The following RFX3 variants were observed in gnomAD, a reference collection of about 807,000 sequenced individuals.
The protein encoded by RFX3 is transcription factor RFX3.
A neutral mutation model predicts 98.6 loss-of-function variants in RFX3; 14 were observed. The observed-to-expected ratio is 0.14, with a 90% CI of 0.09 to 0.22. RFX3 has a LOEUF of 0.22. Among genes scored for constraint, RFX3 ranks in the 10% least tolerant of loss-of-function variants. The probability of loss-of-function intolerance (pLI) is 1.00; values close to 1 mark genes in which losing one functional copy is unlikely to be tolerated. For missense variants in RFX3, 639 were observed against 926.9 expected, an observed-to-expected ratio of 0.69 and a Z score of 4.03; for synonymous variants, 383 against 328.4, an observed-to-expected ratio of 1.17 and a Z score of -1.80.
At chr9:3,400,384 G>A (rs1841358223) in intron 1 of RFX3, 1 of 168,458 alleles carries the variant, frequency 5.9e-6, no homozygotes, top group Admixed American at 6.5e-5. Context: ...CAAGCCTCCA[G>A]CTGTACCTAT....
intron 14 of RFX3, among the ~76,000 whole-genome samples, chr9:3,255,882 T>C (rs1007116854): frequency 2.0e-5 from 3 of 152,220 alleles, no homozygotes; most frequent in African/African-American, 4.8e-5. Context: ...TATGTTACTG[T>C]CTACGAGATT....
chr9:3,472,130 T>C (rs1848833824), intron 1 of RFX3, among the ~76,000 whole-genome samples: 1 of 152,230 alleles, frequency 6.6e-6, no homozygotes, highest in South Asian at 2.1e-4. Context: ...CGCACTGTAT[T>C]TGTTTAGAAA....
chr9:3,373,655 C>A (rs1838102393), intron 2 of RFX3, among the ~76,000 whole-genome samples: 1 of 152,098 alleles, frequency 6.6e-6, no homozygotes, highest in Non-Finnish European at 1.5e-5. Flanking sequence ...TTTCCCAGTT[C>A]TGTGAAGTTC....
rs1415503707 is a variant in RFX3, at chr9:3,395,511, C to T, written c.78G>A (p.Val26=). 6 of 1,614,016 alleles carry T rather than the reference C, an allele frequency of 3.7e-6. No homozygotes were observed. Among genetic ancestry groups the T allele is most frequent in the Non-Finnish European group, 5.1e-6 (6 of 1,179,990 alleles). ...GTACTTGCTGTACCACCTGCGTAGG[C>T]ACTGCTGCTTGACTAGCCACAGATG... The part of the protein sequence containing the change: ...LQTSVASQAA[V]PTQVVQQVPV... Residue 26 remains valine, a synonymous_variant, in exon 2 of 17, where the codon GTG becomes GTA. Coordinates refer to ENST00000617270, the MANE Select transcript of RFX3 (RefSeq NM_001282116.2).
chr9:3,524,252 C>G (rs1025601416), intron 1 of RFX3, among the ~76,000 whole-genome samples: 1 of 152,064 alleles, frequency 6.6e-6, no homozygotes, highest in Non-Finnish European at 1.5e-5. Context: ...TTTAGGGGAT[C>G]TGTAAAACTG....
At chr9:3,228,172 C>T (rs963144881) in intron 16 of RFX3, among the ~76,000 whole-genome samples, 1 of 152,134 alleles carries the variant, frequency 6.6e-6, no homozygotes, top group African/African-American at 2.4e-5. Flanking sequence ...TATTGTTTTG[C>T]TTCTGCTCTG....
chr9:3,474,119 G>A lies in RFX3; in HGVS notation c.-9+51628C>T, dbSNP rs373714685. On this transcript the variant is annotated intron_variant, in intron 1 of 16. Transcript: ENST00000617270. ...CTTTGAGAACCACTGCTCTGCAAGT[G>A]TCTCAATTTTTTAATCTATATTAAA... Among the ~76,000 whole-genome samples, 170 of 152,148 alleles carry A rather than the reference G, an allele frequency of 1.1e-3. 6 individuals are homozygous for A. In the South Asian group the frequency reaches 0.035, roughly 31 times the overall value.
rs1056713028 is a variant in RFX3, at chr9:3,457,670, T to G, written c.-8-62074A>C. Among the ~76,000 whole-genome samples the G allele has an allele frequency of 3.5e-4, 53 of 152,182 alleles. 1 individual carries two copies. Among genetic ancestry groups the G allele is most frequent in the Admixed American group, 2.8e-3 (43 of 15,272 alleles). ...GCTTCCTGTATGCCATTCTCTCAGT[T>G]TTATAAGACATTTGTATTTGTGTCC... On this transcript the variant is annotated intron_variant, in intron 1 of 16. Transcript: ENST00000617270.
At chr9:3,521,756 C>T (rs1002382137) in intron 1 of RFX3, among the ~76,000 whole-genome samples, 1 of 151,954 alleles carries the variant, frequency 6.6e-6, no homozygotes, top group Non-Finnish European at 1.5e-5. Context: ...CACCTATTTC[C>T]AACATATAAA....
chr9:3,486,128 C>CAAAAAAAAAA (rs772747349), intron 1 of RFX3, among the ~76,000 whole-genome samples: 74 of 49,076 alleles, frequency 1.5e-3, no homozygotes, highest in Non-Finnish European at 1.9e-3. Context: ...TGTCTCAAAC[C>CAAAAAAAAAA]AAAAAAAAAA....
intron 4 of RFX3, 58 bp from the exon 5 acceptor site, chr9:3,301,678 C>G: frequency 8.1e-7 from 1 of 1,231,338 alleles, no homozygotes; most frequent in Non-Finnish European, 1.2e-6. Context: ...AAAAGGCTGA[C>G]CAGAGAATTT....
intron 2 of RFX3, among the ~76,000 whole-genome samples, chr9:3,349,249 T>TA (rs1472768921): frequency 2.0e-5 from 3 of 152,052 alleles, no homozygotes; most frequent in Admixed American, 2.0e-4. Context: ...TGAAATTTTA[T>TA]GGTTTCAAAA....
At chr9:3,363,433 T>C (rs993437076) in intron 2 of RFX3, among the ~76,000 whole-genome samples, 16 of 152,214 alleles carry the variant, frequency 1.1e-4, no homozygotes, top group Admixed American at 9.2e-4. Flanking sequence ...TCTATTGATA[T>C]TATGCATATT....
At position 3,219,937 on chromosome 9, in the gene RFX3, CTT is replaced by C. The variant is rs1238257511; in HGVS notation, c.*5103_*5104del. On this transcript the variant is annotated 3_prime_UTR_variant, in exon 17 of 17. Transcript: ENST00000617270. ...GCAAGCACATCTGCAGACAACACTG[CTT>C]TCATGTTCGATCACGCAGGGAACAG... is the stretch of plus-strand genomic sequence containing the variant. The C allele has an allele frequency of 6.6e-6, 1 of 152,176 alleles. No individual in the cohort carries two copies. Among genetic ancestry groups the C allele is most frequent in the Non-Finnish European group, 1.5e-5 (1 of 68,044 alleles). 9.4% of individuals were successfully genotyped at this position (152,176 alleles called of 1,614,324 possible). A position where few individuals can be genotyped will look rare whatever the true frequency, so the allele number is the denominator to read the frequency against.
At chr9:3,244,575 T>C (rs186110859) in intron 15 of RFX3, among the ~76,000 whole-genome samples, 7 of 152,316 alleles carry the variant, frequency 4.6e-5, no homozygotes, top group Admixed American at 3.9e-4. Flanking sequence ...CACCCACCTC[T>C]GTCAGGGCCT....
intron 2 of RFX3, among the ~76,000 whole-genome samples, chr9:3,349,719 C>T (rs757339438): frequency 8.6e-5 from 13 of 152,008 alleles, no homozygotes; most frequent in Non-Finnish European, 1.8e-4. Flanking sequence ...TGAATACATA[C>T]ACACCTCATT....
intron 1 of RFX3, among the ~76,000 whole-genome samples, chr9:3,497,976 A>G (rs1159545263): frequency 6.6e-6 from 1 of 152,052 alleles, no homozygotes; most frequent in Non-Finnish European, 1.5e-5. Context: ...ATGCTGACAC[A>G]AAAGATGAAC....
chr9:3,415,477 C>G (rs1362047258), intron 1 of RFX3, among the ~76,000 whole-genome samples: 1 of 151,850 alleles, frequency 6.6e-6, no homozygotes, highest in Non-Finnish European at 1.5e-5. Context: ...CTAACAAGAC[C>G]CACATCCACT....
chr9:3,452,653 T>G (rs984103578), intron 1 of RFX3, among the ~76,000 whole-genome samples: 2 of 152,184 alleles, frequency 1.3e-5, no homozygotes, highest in African/African-American at 4.8e-5. Context: ...TGCTTCTGTG[T>G]GGGGGAATAG....
Sources: allele counts gnomAD v4.1 joint callset (sites outside exome capture counted in the v4.1 genomes callset), GRCh38; gene constraint gnomAD v4.1.1; transcripts MANE v1.5; gene names NCBI Gene and HGNC (gene_info 2026-07-23, HGNC 2026-07-21).